LRMDA: variants seen among roughly 807,000 people sequenced by gnomAD.
LRMDA encodes leucine-rich melanocyte differentiation-associated protein.
LRMDA carries 18 observed loss-of-function variants against 29.8 expected under a neutral mutation model. That is an observed-to-expected ratio of 0.60 (90% CI 0.42 to 0.90). The LOEUF (loss-of-function observed/expected upper bound fraction) is 0.90. Among genes scored for constraint, LRMDA ranks in the 40% least tolerant of loss-of-function variants. LRMDA has a pLI of 0.00. For missense variants in LRMDA, 273 were observed against 273.9 expected (o/e 1.00, Z 0.02); for synonymous variants, 125 against 109.4 (o/e 1.14, Z -0.89).
chr10:76,013,452 A>T (rs950895190), intron 2 of LRMDA, among the ~76,000 whole-genome samples: 4 of 152,120 alleles, frequency 2.6e-5, no homozygotes, highest in African/African-American at 9.7e-5. Flanking sequence ...TGACATTTTA[A>T]TTTCAAATTA....
intron 5 of LRMDA, among the ~76,000 whole-genome samples, chr10:76,124,734 T>G (rs1027304789): frequency 2.0e-5 from 3 of 152,236 alleles, no homozygotes; most frequent in Non-Finnish European, 4.4e-5. Context: ...TTTTCAGATA[T>G]TGACTGCTCC....
chr10:76,423,849 C>A (rs944311086), intron 6 of LRMDA, among the ~76,000 whole-genome samples: 1 of 152,142 alleles, frequency 6.6e-6, no homozygotes, highest in Non-Finnish European at 1.5e-5. Flanking sequence ...TAGGAATCAC[C>A]TTCTCAGATA....
chr10:75,819,378 G>T (rs988623697), intron 2 of LRMDA, among the ~76,000 whole-genome samples: 12 of 143,384 alleles, frequency 8.4e-5, no homozygotes, highest in African/African-American at 2.9e-4. Context: ...GATCCAATAG[G>T]AAACCATTTT....
chr10:76,512,031 G>A (rs1043970637), intron 6 of LRMDA, among the ~76,000 whole-genome samples: 1 of 152,152 alleles, frequency 6.6e-6, no homozygotes, highest in Non-Finnish European at 1.5e-5. Flanking sequence ...GTTATGGGAG[G>A]GACCCAGTGG....
chr10:75,542,897 G>A (rs1468922793), intron 2 of LRMDA, among the ~76,000 whole-genome samples: 1 of 152,150 alleles, frequency 6.6e-6, no homozygotes, highest in Non-Finnish European at 1.5e-5. Context: ...GCCACTGTCC[G>A]GCGCAGCCTG....
chr10:75,946,332 G>C (rs183885258), intron 2 of LRMDA, among the ~76,000 whole-genome samples: 1 of 152,202 alleles, frequency 6.6e-6, no homozygotes, highest in Non-Finnish European at 1.5e-5. Flanking sequence ...GCACTGTCAC[G>C]CTAGATAACT....
At chr10:75,614,098 C>T (rs1442156292) in intron 2 of LRMDA, among the ~76,000 whole-genome samples, 1 of 152,176 alleles carries the variant, frequency 6.6e-6, no homozygotes, top group African/African-American at 2.4e-5. Context: ...AGTTATTTTA[C>T]ATGCCATTTT....
At chr10:76,340,301 A>T (rs1841023554) in intron 6 of LRMDA, among the ~76,000 whole-genome samples, 1 of 152,064 alleles carries the variant, frequency 6.6e-6, no homozygotes. Flanking sequence ...GGATTGTTTG[A>T]GCTCAGGAGT....
At chr10:76,462,377 C>T (rs1481750017) in intron 6 of LRMDA, among the ~76,000 whole-genome samples, 1 of 152,136 alleles carries the variant, frequency 6.6e-6, no homozygotes, top group Non-Finnish European at 1.5e-5. Flanking sequence ...AGAATAAGTT[C>T]CTTCCCATCA....
At chr10:75,913,785 G>A (rs1395162751) in intron 2 of LRMDA, among the ~76,000 whole-genome samples, 2 of 152,232 alleles carry the variant, frequency 1.3e-5, no homozygotes, top group Non-Finnish European at 2.9e-5. Flanking sequence ...TGCCCCTGGA[G>A]AGGAGCAAGG....
chr10:75,669,854 G>A (rs1053633587), intron 2 of LRMDA, among the ~76,000 whole-genome samples: 1 of 152,172 alleles, frequency 6.6e-6, no homozygotes, highest in African/African-American at 2.4e-5. Context: ...TTTATGGTTA[G>A]CAATCCAAAG....
intron 2 of LRMDA, among the ~76,000 whole-genome samples, chr10:75,871,117 C>G (rs963638460): frequency 1.3e-5 from 2 of 152,206 alleles, no homozygotes; most frequent in Non-Finnish European, 2.9e-5. Flanking sequence ...ACCATTTCCC[C>G]TAGCTGTTCC....
intron 2 of LRMDA, among the ~76,000 whole-genome samples, chr10:75,477,499 C>T (rs1047522960): frequency 6.6e-6 from 1 of 152,198 alleles, no homozygotes; most frequent in African/African-American, 2.4e-5. Context: ...AATCAAACAC[C>T]TACATGTTCA....
chr10:75,951,525 C>T (rs1169320462), intron 2 of LRMDA, among the ~76,000 whole-genome samples: 1 of 152,158 alleles, frequency 6.6e-6, no homozygotes, highest in East Asian at 1.9e-4. Flanking sequence ...ATGGAAAGCC[C>T]AGATGTCTCA....
At chr10:76,035,281 G>A (rs368404787) in intron 2 of LRMDA, among the ~76,000 whole-genome samples, 2 of 151,686 alleles carry the variant, frequency 1.3e-5, no homozygotes, top group East Asian at 1.9e-4. Flanking sequence ...CCCAACCCCC[G>A]TCTCCCCACC....
intron 2 of LRMDA, among the ~76,000 whole-genome samples, chr10:75,566,599 C>T (rs1454601592): frequency 6.6e-6 from 1 of 152,150 alleles, no homozygotes; most frequent in Non-Finnish European, 1.5e-5. Context: ...ACCATTTGCA[C>T]ACTTTTCTTC....
At chr10:76,081,963 A>T (rs1349405619) in intron 5 of LRMDA, among the ~76,000 whole-genome samples, 1 of 152,162 alleles carries the variant, frequency 6.6e-6, no homozygotes, top group Non-Finnish European at 1.5e-5. Flanking sequence ...GTGCCATAGA[A>T]CCAAGTAGCT....
chr10:76,121,190 T>C (rs1463440491), intron 5 of LRMDA, among the ~76,000 whole-genome samples: 1 of 151,794 alleles, frequency 6.6e-6, no homozygotes, highest in Non-Finnish European at 1.5e-5. Flanking sequence ...GGAGGAGCTA[T>C]GGAGGAGAAG....
At chr10:76,013,539 A>T (rs957448446) in intron 2 of LRMDA, among the ~76,000 whole-genome samples, 5 of 152,110 alleles carry the variant, frequency 3.3e-5, no homozygotes, top group Non-Finnish European at 5.9e-5. Context: ...AAAGAAAGTG[A>T]GGGCCTTTGG....
Sources: gnomAD v4.1 joint callset for allele counts (sites outside exome capture counted in the v4.1 genomes callset) on GRCh38, gnomAD v4.1.1 for gene constraint, MANE v1.5 for transcripts, NCBI Gene and HGNC (gene_info 2026-07-23, HGNC 2026-07-21) for gene names.